Variants in KMT2C observed in about 807,000 individuals in gnomAD.
KMT2C encodes the protein lysine methyltransferase 2C, also known as histone-lysine N-methyltransferase 2C.
KMT2C carries 88 observed loss-of-function variants against 507.9 expected under a neutral mutation model. That is an observed-to-expected ratio of 0.17 (90% CI 0.15 to 0.21). The LOEUF (loss-of-function observed/expected upper bound fraction) is 0.21. Among genes scored for constraint, KMT2C ranks in the 10% least tolerant of loss-of-function variants. KMT2C has a pLI of 1.00. For missense variants in KMT2C, 4,954 were observed against 5,957.8 expected, an observed-to-expected ratio of 0.83 and a Z score of 5.55; for synonymous variants, 2,049 against 2,080.8, an observed-to-expected ratio of 0.98 and a Z score of 0.42.
chr7:152,192,599 A>AT (rs548765953), intron 31 of KMT2C, among the ~76,000 whole-genome samples: 65 of 152,162 alleles, frequency 4.3e-4, no homozygotes, highest in Non-Finnish European at 8.7e-4. Flanking sequence ...TAGTTATATG[A>AT]TAAGTATATT....
intron 1 of KMT2C, among the ~76,000 whole-genome samples, chr7:152,400,091 G>A (rs966839165): frequency 2.0e-5 from 3 of 149,564 alleles, no homozygotes; most frequent in Non-Finnish European, 4.4e-5. Flanking sequence ...GGCGGATCAC[G>A]AGGTCAGGAG....
chr7:152,376,526 A>C (rs2097329636), intron 1 of KMT2C, among the ~76,000 whole-genome samples: 1 of 152,234 alleles, frequency 6.6e-6, no homozygotes, highest in African/African-American at 2.4e-5. Flanking sequence ...ATATGAAGAA[A>C]GTTTTAGTGG....
intron 2 of KMT2C, among the ~76,000 whole-genome samples, chr7:152,349,981 G>A (rs2097096851): frequency 6.6e-6 from 1 of 152,150 alleles, no homozygotes; most frequent in South Asian, 2.1e-4. Flanking sequence ...GCCAGGTGCA[G>A]TGGTTCATGC....
At chr7:152,398,077 T>G (rs574924475) in intron 1 of KMT2C, among the ~76,000 whole-genome samples, 1 of 152,210 alleles carries the variant, frequency 6.6e-6, no homozygotes, top group Admixed American at 6.5e-5. Context: ...CTTAGCCACA[T>G]GCGTTCTCTC....
Position 152,180,692 on chromosome 7 carries a change from GA to G in KMT2C, c.7149+18del. Reference sequence around the variant, plus strand: ...CCTCAAATAATACATTTAAAACTGAGAACATACAATGTGTTTACCTGTCTCA... The same window carrying G: ...CCTCAAATAATACATTTAAAACTGAGACATACAATGTGTTTACCTGTCTCA... On this transcript the variant is annotated intron_variant, in intron 36 of 58. Transcript: ENST00000262189. 6.5e-7 allele frequency: 1 copy of G among 1,544,884 alleles called. No individual in the cohort carries two copies. Among genetic ancestry groups the G allele is most frequent in the Non-Finnish European group, 8.8e-7 (1 of 1,131,272 alleles).
At chr7:152,156,475 G>T in intron 44 of KMT2C, 129 bp from the exon 45 acceptor site, 1 of 1,175,666 alleles carries the variant, frequency 8.5e-7, no homozygotes, top group Non-Finnish European at 1.2e-6. Context: ...GATGTATCTT[G>T]CACACCAAGA....
chr7:152,368,414 T>C, intron 1 of KMT2C: 1 of 1,127,100 alleles, frequency 8.9e-7, no homozygotes, highest in Middle Eastern at 2.4e-4. Flanking sequence ...AAGATAGAGA[T>C]GGAGATGGAG....
chr7:152,329,560 A>T lies in KMT2C; in HGVS notation c.389+1041T>A, dbSNP rs371032387. On this transcript the variant is annotated intron_variant, in intron 3 of 58. Coordinates refer to ENST00000262189, the MANE Select transcript of KMT2C (RefSeq NM_170606.3). ...ACTCTACCCTGGGCAACAGAGTAAGACCTTGCCTCAAAAAATAAAAAAAAA... is the reference window on the plus strand; with the variant it reads ...ACTCTACCCTGGGCAACAGAGTAAGTCCTTGCCTCAAAAAATAAAAAAAAA... Among the ~76,000 whole-genome samples the T allele has an allele frequency of 6.6e-5, 10 of 151,496 alleles. No individual in the cohort carries two copies. The East Asian group carries it at 1.8e-3, about 27-fold the overall frequency.
At position 152,185,638 on chromosome 7, in the gene KMT2C, C is replaced by G; in HGVS notation, c.5009-7G>C. The G allele has an allele frequency of 6.2e-7, 1 of 1,604,512 alleles. No individual in the cohort carries two copies. The highest frequency in any genetic ancestry group is 1.1e-5 in the South Asian group (1 of 90,834). On this transcript the variant is annotated splice_polypyrimidine_tract_variant and splice_region_variant and intron_variant, in intron 33 of 58. Transcript: ENST00000262189. ...TTCACTCTAGTAGTCCAATCTGCAA[C>G]AAAAGAACAGAGTATAACACTTTCT...
intron 39 of KMT2C, among the ~76,000 whole-genome samples, chr7:152,171,887 A>C (rs1006378316): frequency 4.6e-5 from 7 of 152,218 alleles, no homozygotes; most frequent in Non-Finnish European, 1.0e-4. Context: ...GTTAAAGCAA[A>C]TCAAAAATGG....
At chr7:152,225,229 T>C (rs115495485) in intron 18 of KMT2C, among the ~76,000 whole-genome samples, 1,844 of 152,252 alleles carry the variant, frequency 0.012, 43 homozygotes, top group African/African-American at 0.043. Context: ...ATATTAAGAT[T>C]GTGGAACTTC....
chr7:152,160,029 C>G (rs1297984418), intron 43 of KMT2C, among the ~76,000 whole-genome samples: 1 of 152,204 alleles, frequency 6.6e-6, no homozygotes, highest in Non-Finnish European at 1.5e-5. Flanking sequence ...CAACTCTGCC[C>G]TTGTACTTCA....
At chr7:152,186,862 G>A (rs1474006171) in intron 33 of KMT2C, among the ~76,000 whole-genome samples, 2 of 152,004 alleles carry the variant, frequency 1.3e-5, no homozygotes, top group African/African-American at 4.8e-5. Flanking sequence ...GAAAGTGAGA[G>A]GGGAAGAAGG....
At chr7:152,225,461 CCAATT>C (rs1267686589) in intron 18 of KMT2C, among the ~76,000 whole-genome samples, 1 of 152,322 alleles carries the variant, frequency 6.6e-6, no homozygotes, top group East Asian at 1.9e-4. Context: ...GTATAAGTTT[CCAATT>C]CTACAGGAAA....
At position 152,136,729 on chromosome 7, in the gene KMT2C, A is replaced by T; in HGVS notation, c.*103T>A. The T allele has an allele frequency of 1.2e-6, 1 of 856,774 alleles. No homozygotes were observed. Among genetic ancestry groups the T allele is most frequent in the Non-Finnish European group, 1.9e-6 (1 of 516,050 alleles). The allele number at this position is 856,774 out of a possible 1,614,324, so 53.1% of individuals were successfully genotyped here. The stretch of plus-strand genomic sequence containing the variant: ...CCAGAAGCTTTTTCAAAAAGTCATA[A>T]AACAGAAAACAAAAATCTCTTTCTG... On this transcript the variant is annotated 3_prime_UTR_variant, in exon 59 of 59. Coordinates refer to ENST00000262189, the MANE Select transcript of KMT2C (RefSeq NM_170606.3).
At chr7:152,325,837 TTC>T (rs928397939) in intron 3 of KMT2C, among the ~76,000 whole-genome samples, 22 of 152,288 alleles carry the variant, frequency 1.4e-4, no homozygotes, top group East Asian at 1.2e-3. Flanking sequence ...CTACATTAAC[TTC>T]TTTTATTAAT....
chr7:152,340,148 ATTT>A (rs71885303), intron 2 of KMT2C, among the ~76,000 whole-genome samples: 6 of 127,640 alleles, frequency 4.7e-5, no homozygotes, highest in East Asian at 2.3e-4. Context: ...TCACGCCTGG[ATTT>A]TTTTTTTTTT....
At chr7:152,230,969 G>A (rs10046464) in intron 16 of KMT2C, among the ~76,000 whole-genome samples, 18,157 of 151,752 alleles carry the variant, frequency 0.12, 2,730 homozygotes, top group African/African-American at 0.35. Flanking sequence ...GTTGTCCACC[G>A]CCATGCCCAG....
intron 1 of KMT2C, among the ~76,000 whole-genome samples, chr7:152,384,685 C>T (rs979793773): frequency 6.6e-6 from 1 of 151,888 alleles, no homozygotes; most frequent in Non-Finnish European, 1.5e-5. Flanking sequence ...AGATACTGTC[C>T]TATACAGTAA....
Sources: allele counts gnomAD v4.1 joint callset (sites outside exome capture counted in the v4.1 genomes callset), GRCh38; gene constraint gnomAD v4.1.1; transcripts MANE v1.5; gene names NCBI Gene and HGNC (gene_info 2026-07-23, HGNC 2026-07-21).